The following RBFOX1 variants were observed in gnomAD, a reference collection of about 807,000 sequenced individuals.
RBFOX1 encodes the protein RNA binding protein fox-1 homolog 1.
In RBFOX1, 8 loss-of-function variants were observed where a neutral mutation model predicts 57.7. The observed-to-expected ratio is 0.14, with a 90% CI of 0.08 to 0.25. The LOEUF (loss-of-function observed/expected upper bound fraction) is 0.25. RBFOX1 is among the 10% of genes least tolerant of loss of function. The pLI is 1.00. For missense variants in RBFOX1, 611 were observed against 548.5 expected, an observed-to-expected ratio of 1.11 and a Z score of -1.14; for synonymous variants, 326 against 222.4, an observed-to-expected ratio of 1.47 and a Z score of -4.15.
At chr16:5,796,728 C>T (rs1302421621) in intron 3 of RBFOX1, among the ~76,000 whole-genome samples, 2 of 152,186 alleles carry the variant, frequency 1.3e-5, no homozygotes, top group South Asian at 2.1e-4. Flanking sequence ...AAGTAATTTG[C>T]CTGTGGTCAT....
rs138396444 is a variant in RBFOX1, at chr16:5,696,857, A to G, written c.318+97896A>G. ...ATTATGTATAAATTATCTATCTTAC[A>G]TATCTTCTCTGTTTCTTTCTGTACA... is the stretch of plus-strand genomic sequence containing the variant. On this transcript the variant is annotated intron_variant, in intron 3 of 19. Transcript: ENST00000641259. 9.8e-4 allele frequency among the ~76,000 whole-genome samples: 149 copies of G among 152,140 alleles called. 2 individuals carry two copies. In the East Asian group the frequency reaches 0.026, roughly 27 times the overall value.
intron 1 of RBFOX1, among the ~76,000 whole-genome samples, chr16:6,076,134 A>C (rs1567395725): frequency 6.6e-6 from 1 of 152,096 alleles, no homozygotes; most frequent in Non-Finnish European, 1.5e-5. Flanking sequence ...TCCCATCTCT[A>C]ATAAAAATAC....
chr16:6,789,934 C>G (rs1306934492), intron 3 of RBFOX1, among the ~76,000 whole-genome samples: 1 of 151,692 alleles, frequency 6.6e-6, no homozygotes, highest in East Asian at 1.9e-4. Flanking sequence ...TATAATTATT[C>G]TCTTCCCTAA....
chr16:5,337,303 C>A (rs1257519447), intron 1 of RBFOX1, among the ~76,000 whole-genome samples: 1 of 152,130 alleles, frequency 6.6e-6, no homozygotes, highest in Non-Finnish European at 1.5e-5. Context: ...TAAAAGTGTA[C>A]AGGTGAGTTT....
chr16:5,892,696 C>G (rs2058074268), intron 4 of RBFOX1, among the ~76,000 whole-genome samples: 1 of 152,112 alleles, frequency 6.6e-6, no homozygotes, highest in African/African-American at 2.4e-5. Context: ...GACGGGATTC[C>G]TAAGTCAAGA....
intron 4 of RBFOX1, among the ~76,000 whole-genome samples, chr16:7,471,472 T>C (rs990559879): frequency 6.6e-6 from 1 of 152,168 alleles, no homozygotes. Context: ...CTGTCAGTCA[T>C]TTAGTGTGGG....
chr16:5,658,812 T>C (rs1477658356), intron 3 of RBFOX1, among the ~76,000 whole-genome samples: 1 of 146,040 alleles, frequency 6.8e-6, no homozygotes, highest in African/African-American at 2.6e-5. Flanking sequence ...TATATATGTA[T>C]ATATAATATA....
At chr16:7,110,905 T>A (rs1009067311) in intron 4 of RBFOX1, among the ~76,000 whole-genome samples, 2 of 152,162 alleles carry the variant, frequency 1.3e-5, no homozygotes, top group African/African-American at 2.4e-5. Context: ...GAATTAAGAT[T>A]TTTAACTTTG....
intron 1 of RBFOX1, among the ~76,000 whole-genome samples, chr16:6,120,203 A>T (rs898059275): frequency 1.3e-5 from 2 of 152,162 alleles, no homozygotes; most frequent in African/African-American, 4.8e-5. Context: ...CGTTGTTTTC[A>T]TTATTTCCTT....
chr16:7,203,072 C>T (rs1042774380), intron 4 of RBFOX1, among the ~76,000 whole-genome samples: 11 of 152,240 alleles, frequency 7.2e-5, no homozygotes, highest in Admixed American at 7.2e-4. Context: ...AGGCGTGAGC[C>T]ACTGCACCCA....
At chr16:6,530,506 G>T (rs1471108451) in intron 2 of RBFOX1, among the ~76,000 whole-genome samples, 1 of 152,140 alleles carries the variant, frequency 6.6e-6, no homozygotes, top group Non-Finnish European at 1.5e-5. Flanking sequence ...AACTATCACA[G>T]ATACCTCAAA....
rs960372782 is a variant in RBFOX1, at chr16:6,083,448, G to A, written c.-127+63456G>A. On this transcript the variant is annotated intron_variant, in intron 1 of 15. Transcript: ENST00000550418. ...TTCTTTCAACTGCATATCATTACTTGCTTTCATGCTCTCTTTGGTCCATTT... is the reference window on the plus strand; with the variant it reads ...TTCTTTCAACTGCATATCATTACTTACTTTCATGCTCTCTTTGGTCCATTT... Among the ~76,000 whole-genome samples, 6 of 152,150 alleles carry A rather than the reference G, an allele frequency of 3.9e-5. No homozygotes were observed. In the East Asian group the frequency reaches 1.2e-3, roughly 30 times the overall value.
chr16:6,381,750 G>A lies in RBFOX1; in HGVS notation c.-64+64693G>A, dbSNP rs574985930. Among the ~76,000 whole-genome samples the A allele has an allele frequency of 3.3e-5, 5 of 152,304 alleles. No homozygotes were observed. The East Asian group carries it at 9.7e-4, about 29-fold the overall frequency. On this transcript the variant is annotated intron_variant, in intron 2 of 15. Coordinates refer to ENST00000550418, the MANE Select transcript of RBFOX1 (RefSeq NM_018723.4). ...GGGCCGATGTATGCCTGGGGCTACCGCATCTGCTGCTGCTGGAACTGGGTC... is the reference window on the plus strand; with the variant it reads ...GGGCCGATGTATGCCTGGGGCTACCACATCTGCTGCTGCTGGAACTGGGTC...
At chr16:6,930,224 A>T (rs1036672933) in intron 3 of RBFOX1, among the ~76,000 whole-genome samples, 1 of 152,220 alleles carries the variant, frequency 6.6e-6, no homozygotes, top group African/African-American at 2.4e-5. Flanking sequence ...CCTAAAACTC[A>T]ACAACAGAAA....
intron 4 of RBFOX1, among the ~76,000 whole-genome samples, chr16:7,057,653 G>C (rs2052785443): frequency 1.3e-5 from 2 of 152,112 alleles, no homozygotes. Flanking sequence ...AGTTGCCCAG[G>C]GCCAACTCTT....
At chr16:6,869,444 G>C (rs2060491134) in intron 3 of RBFOX1, among the ~76,000 whole-genome samples, 1 of 147,406 alleles carries the variant, frequency 6.8e-6, no homozygotes, top group Non-Finnish European at 1.5e-5. Flanking sequence ...TCTTGTATTA[G>C]GAAGGAGTTC....
At chr16:7,647,531 T>C (rs1597249555) in intron 11 of RBFOX1, among the ~76,000 whole-genome samples, 1 of 137,452 alleles carries the variant, frequency 7.3e-6, no homozygotes, top group African/African-American at 2.7e-5. Context: ...GTGAGTTAAC[T>C]TGAAATTGAA....
At chr16:5,385,107 T>C (rs2066224080) in intron 1 of RBFOX1, among the ~76,000 whole-genome samples, 1 of 152,222 alleles carries the variant, frequency 6.6e-6, no homozygotes, top group Non-Finnish European at 1.5e-5. Context: ...TAGTAATTAT[T>C]ATTGTGGCAA....
chr16:6,965,838 C>T (rs573266401), intron 3 of RBFOX1, among the ~76,000 whole-genome samples: 2 of 151,916 alleles, frequency 1.3e-5, no homozygotes, highest in East Asian at 1.9e-4. Context: ...TAGGTGCTGT[C>T]GCATCCATGG....
Sources: gnomAD v4.1 joint callset for allele counts (sites outside exome capture counted in the v4.1 genomes callset) on GRCh38, gnomAD v4.1.1 for gene constraint, MANE v1.5 for transcripts, NCBI Gene and HGNC (gene_info 2026-07-23, HGNC 2026-07-21) for gene names.